NIBAN2: variants seen among roughly 807,000 people sequenced by gnomAD.
NIBAN2 encodes protein Niban 2.
NIBAN2 carries 36 observed loss-of-function variants against 81.8 expected under a neutral mutation model. The observed-to-expected ratio is 0.44, with a 90% confidence interval of 0.34 to 0.58. NIBAN2 has a LOEUF of 0.58. Ranked by LOEUF, NIBAN2 falls within the 20% of genes least tolerant of loss-of-function variation. The pLI, the probability that NIBAN2 is intolerant of heterozygous loss-of-function variation, is 0.02. For missense variants in NIBAN2, 897 were observed against 1,014.1 expected (o/e 0.88, Z 1.57); for synonymous variants, 445 against 441.6 (o/e 1.01, Z -0.10).
intron 8 of NIBAN2, among the ~76,000 whole-genome samples, chr9:127,511,248 A>AT (rs775937048): frequency 2.6e-5 from 4 of 152,056 alleles, no homozygotes; most frequent in Non-Finnish European, 5.9e-5. Context: ...GGGTTTCACC[A>AT]TATTGGCCAG....
Position 127,510,131 on chromosome 9 carries a change from CG to C in NIBAN2, c.1161+14del. The C allele has an allele frequency of 6.3e-7, 1 of 1,596,606 alleles. No homozygotes were observed. Among genetic ancestry groups the C allele is most frequent in the Non-Finnish European group, 8.6e-7 (1 of 1,169,394 alleles). The stretch of plus-strand genomic sequence containing the variant: ...CTCTCAGGAGACCCCCTCCTAGGGG[CG>C]GTGCCGGCCTCACCTCGCCCAGCTT... On this transcript the variant is annotated intron_variant, in intron 9 of 13. Transcript: ENST00000373312.
chr9:127,578,961 G>A (rs1838042448), exon 1 of NIBAN2: 1 of 1,607,432 alleles, frequency 6.2e-7, no homozygotes, highest in East Asian at 2.3e-5. Flanking sequence ...AGCCCCAAAA[G>A]GAAGGGACCG....
intron 2 of NIBAN2, among the ~76,000 whole-genome samples, 181 bp downstream of exon 2, chr9:127,531,465 CAG>C (rs369497797): frequency 7.3e-5 from 11 of 151,226 alleles, no homozygotes; most frequent in African/African-American, 2.2e-4. Context: ...GCCTGAGTGA[CAG>C]AGCGAGACTC....
intron 1 of NIBAN2, among the ~76,000 whole-genome samples, chr9:127,565,613 T>A (rs545324775): frequency 6.6e-6 from 1 of 150,920 alleles, no homozygotes; most frequent in Non-Finnish European, 1.5e-5. Flanking sequence ...ACCAATATGG[T>A]GAAACCCCCG....
At chr9:127,510,781 G>T (rs146376997) in intron 8 of NIBAN2, among the ~76,000 whole-genome samples, 2 of 152,068 alleles carry the variant, frequency 1.3e-5, no homozygotes, top group East Asian at 3.9e-4. Flanking sequence ...TGTCCAGGCC[G>T]GAGTGCAGTG....
At chr9:127,560,345 C>T (rs1458784511) in intron 1 of NIBAN2, among the ~76,000 whole-genome samples, 5 of 152,086 alleles carry the variant, frequency 3.3e-5, no homozygotes, top group Non-Finnish European at 5.9e-5. Context: ...TCATTGCACC[C>T]GACCCCCACA....
rs202060817 is a variant in NIBAN2, at chr9:127,517,870, C to T, written c.661G>A (p.Glu221Lys). The change falls in exon 6 of 14, where the codon GAG becomes AAG. Residue 221 changes from glutamate to lysine, a missense_variant. By Grantham distance (56) the Glu-to-Lys change is moderately conservative (BLOSUM62 1). Transcript: ENST00000373312. This position sits in a 1 kb window ranked among gnomAD's most constrained non-coding sequence, Gnocchi z 4.0. Reference sequence around the variant, plus strand: ...AGCATCTCCCAGGTGCCGTACAGCTCCTTGGACTGTCGGTACATGCGGATG... The same window carrying T: ...AGCATCTCCCAGGTGCCGTACAGCTTCTTGGACTGTCGGTACATGCGGATG... ...DAIRMYRQSK[E>K]LYGTWEMLCG... 24 of 1,613,936 alleles carry T rather than the reference C, an allele frequency of 1.5e-5. No homozygotes were observed. The highest frequency in any genetic ancestry group is 2.0e-5 in the Non-Finnish European group (24 of 1,179,938).
At chr9:127,549,478 CAT>C (rs1837536874) in intron 1 of NIBAN2, among the ~76,000 whole-genome samples, 2 of 152,340 alleles carry the variant, frequency 1.3e-5, no homozygotes, top group South Asian at 2.1e-4. Flanking sequence ...TGCCCACACA[CAT>C]GTACACTCAC....
chr9:127,573,496 A>G (rs1357169656), upstream of NIBAN2, among the ~76,000 whole-genome samples: 1 of 150,220 alleles, frequency 6.7e-6, no homozygotes, highest in African/African-American at 2.5e-5. Context: ...CATCAGCACT[A>G]TGAAGGATTC....
chr9:127,514,937 G>A (rs1486337569), intron 8 of NIBAN2, among the ~76,000 whole-genome samples: 1 of 152,228 alleles, frequency 6.6e-6, no homozygotes, highest in East Asian at 1.9e-4. Context: ...GCTGAGGCAG[G>A]AGGATTGTCT....
At chr9:127,523,871 A>G (rs2251409) in intron 4 of NIBAN2, 25 bp from the exon 5 acceptor site, 1,022,905 of 1,592,808 alleles carry the variant, frequency 0.64, 331,804 homozygotes, top group Admixed American at 0.69. Flanking sequence ...CCTGATGAGC[A>G]GCTGCCCTCT....
intron 1 of NIBAN2, among the ~76,000 whole-genome samples, chr9:127,540,651 C>T (rs1292740729): frequency 1.3e-5 from 2 of 152,214 alleles, no homozygotes; most frequent in East Asian, 1.9e-4. Context: ...AGGATCTGCA[C>T]CCTGGTCCCG....
chr9:127,569,786 T>A (rs997649321), upstream of NIBAN2, among the ~76,000 whole-genome samples: 1 of 152,220 alleles, frequency 6.6e-6, no homozygotes, highest in Non-Finnish European at 1.5e-5. Context: ...CCAGGCGGGC[T>A]TGCCTCAGGC....
chr9:127,552,684 G>GTTTTTTTTTTTTT (rs919155330), intron 1 of NIBAN2, among the ~76,000 whole-genome samples: 2 of 97,974 alleles, frequency 2.0e-5, no homozygotes, highest in African/African-American at 3.9e-5. Flanking sequence ...TGGAATATTC[G>GTTTTTTTTTTTTT]TTTTTTTTTT....
chr9:127,509,468 G>C (rs1309178253), intron 9 of NIBAN2, among the ~76,000 whole-genome samples: 1 of 152,104 alleles, frequency 6.6e-6, no homozygotes, highest in Non-Finnish European at 1.5e-5. Context: ...CTTCAAAATT[G>C]GGAGAGAGCT....
At chr9:127,560,425 C>T (rs1388201050) in intron 1 of NIBAN2, among the ~76,000 whole-genome samples, 2 of 151,250 alleles carry the variant, frequency 1.3e-5, no homozygotes, top group Non-Finnish European at 2.9e-5. Flanking sequence ...AGCTGACCCA[C>T]CGGTGCCACT....
chr9:127,530,187 C>T (rs1345373408), intron 2 of NIBAN2, among the ~76,000 whole-genome samples: 1 of 152,228 alleles, frequency 6.6e-6, no homozygotes, highest in East Asian at 1.9e-4. Context: ...CACAGCAGGC[C>T]CCTCTGACGC....
intron 1 of NIBAN2, among the ~76,000 whole-genome samples, chr9:127,578,190 C>CAAAAA (rs35548393): frequency 9.1e-6 from 1 of 110,176 alleles, no homozygotes; most frequent in Non-Finnish European, 1.9e-5. Context: ...GACTCCATCT[C>CAAAAA]AAAAAAAAAA....
At chr9:127,540,340 G>A (rs78797448) in intron 1 of NIBAN2, among the ~76,000 whole-genome samples, 3,037 of 152,234 alleles carry the variant, frequency 0.02, 96 homozygotes, top group African/African-American at 0.069. Context: ...AGAGAGGAGA[G>A]GAGGCTTGCT....
Sources: allele counts gnomAD v4.1 joint callset (sites outside exome capture counted in the v4.1 genomes callset), GRCh38; gene constraint gnomAD v4.1.1; non-coding constraint Gnocchi (gnomAD v3.1); transcripts MANE v1.5; gene names NCBI Gene and HGNC (gene_info 2026-07-23, HGNC 2026-07-21).